Variants in VPS13D observed in about 807,000 individuals in gnomAD.
VPS13D encodes the protein vacuolar protein sorting 13 homolog D.
Under a neutral mutation model 461.9 loss-of-function variants are expected in VPS13D, and 187 were observed. The observed-to-expected ratio is 0.40, with a 90% confidence interval of 0.36 to 0.46. The LOEUF is 0.46. Among genes scored for constraint, VPS13D ranks in the 20% least tolerant of loss-of-function variants. VPS13D has a pLI of 0.60. For missense variants in VPS13D, 4,711 were observed against 5,364.9 expected (o/e 0.88, Z 3.81); for synonymous variants, 1,951 against 1,986.3 (o/e 0.98, Z 0.47).
At position 12,234,502 on chromosome 1, in the gene VPS13D, C is replaced by T. The variant is rs1166267248; in HGVS notation, c.97+139C>T. 9 of 552,416 alleles carry T rather than the reference C, an allele frequency of 1.6e-5. 1 individual carries two copies. Among genetic ancestry groups the T allele is most frequent in the Non-Finnish European group, 2.8e-5 (9 of 319,166 alleles). The allele number at this position is 552,416 out of a possible 1,614,324, so 34.2% of individuals were successfully genotyped here. On this transcript the variant is annotated intron_variant, in intron 2 of 69. Coordinates refer to ENST00000620676, the MANE Select transcript of VPS13D (RefSeq NM_015378.4). Reference sequence around the variant, plus strand: ...GTATGTAAAAAGGTCCCATATCATCCTGATGATTTTTCCAGAGTAACTTAA... The same window carrying T: ...GTATGTAAAAAGGTCCCATATCATCTTGATGATTTTTCCAGAGTAACTTAA...
chr1:12,462,901 C>T (rs1251246692), intron 67 of VPS13D, among the ~76,000 whole-genome samples: 1 of 152,182 alleles, frequency 6.6e-6, no homozygotes, highest in East Asian at 1.9e-4. Context: ...TCACAGTCAG[C>T]ACTGGCCACT....
chr1:12,345,516 G>A lies in VPS13D; in HGVS notation c.9021+7G>A, dbSNP rs1239617231. The A allele has an allele frequency of 2.5e-6, 4 of 1,604,464 alleles. No homozygotes were observed. Among genetic ancestry groups the A allele is most frequent in the Non-Finnish European group, 3.4e-6 (4 of 1,171,960 alleles). ...AAATTCATCTTCCTCTACGGTGTGT[G>A]ACATTCAGGAAGTCAGATGGTTAAG... On this transcript the variant is annotated splice_region_variant and intron_variant, in intron 43 of 69. Coordinates refer to ENST00000620676, the MANE Select transcript of VPS13D (RefSeq NM_015378.4).
intron 66 of VPS13D, among the ~76,000 whole-genome samples, chr1:12,458,881 A>T (rs1645366110): frequency 6.6e-6 from 1 of 152,180 alleles, no homozygotes; most frequent in Admixed American, 6.5e-5. Flanking sequence ...CATTGCTGTC[A>T]ACTTGCAAAA....
intron 52 of VPS13D, among the ~76,000 whole-genome samples, chr1:12,364,107 T>C (rs1466685768): frequency 6.6e-6 from 1 of 152,198 alleles, no homozygotes; most frequent in East Asian, 1.9e-4. Context: ...TTAACCATTT[T>C]TAAGTATACA....
intron 17 of VPS13D, among the ~76,000 whole-genome samples, chr1:12,271,678 GA>G (rs914658964): frequency 1.4e-3 from 198 of 145,656 alleles, no homozygotes; most frequent in African/African-American, 4.2e-3. Context: ...AAAAGAAGAA[GA>G]AAAAAAAAAG....
At chr1:12,360,002 C>T (rs926766714) in intron 50 of VPS13D, among the ~76,000 whole-genome samples, 2 of 152,304 alleles carry the variant, frequency 1.3e-5, no homozygotes, top group African/African-American at 4.8e-5. Context: ...ATGGGAGGAG[C>T]TTGTTCCTTT....
chr1:12,265,958 C>T lies in VPS13D; in HGVS notation c.1595-923C>T, dbSNP rs143142307. ...AGGATCATTTCAGGCCAGGAGTTCA[C>T]AACCAGCCTGGGCAACATAGCAAGA... is the stretch of plus-strand genomic sequence containing the variant. On this transcript the variant is annotated intron_variant, in intron 13 of 69. Transcript: ENST00000620676. 5.6e-3 allele frequency among the ~76,000 whole-genome samples: 857 copies of T among 152,096 alleles called. 10 individuals carry two copies. Among genetic ancestry groups the T allele is most frequent in the South Asian group, 0.021 (100 of 4,818 alleles).
At chr1:12,341,575 G>C (rs921368410) in intron 40 of VPS13D, among the ~76,000 whole-genome samples, 1 of 152,168 alleles carries the variant, frequency 6.6e-6, no homozygotes, top group African/African-American at 2.4e-5. Context: ...AGAATTGGGG[G>C]CTGGGAATAG....
intron 63 of VPS13D, among the ~76,000 whole-genome samples, chr1:12,413,644 A>T (rs1250385320): frequency 6.6e-6 from 1 of 152,048 alleles, no homozygotes; most frequent in Non-Finnish European, 1.5e-5. Context: ...GTTAATTTTT[A>T]AACTTTTTGT....
chr1:12,504,538 A>G (rs1333176885), intron 68 of VPS13D, among the ~76,000 whole-genome samples: 1 of 152,160 alleles, frequency 6.6e-6, no homozygotes, highest in Admixed American at 6.5e-5. Context: ...CTCCGTGCTC[A>G]CTTTGTGAAG....
rs150154094 is a variant in VPS13D, at chr1:12,333,272, A to G, written c.8334A>G (p.Gln2778=). Residue 2778 remains glutamine (Q), a synonymous_variant, in exon 38 of 70, where the codon CAA becomes CAG. Coordinates refer to ENST00000620676, the MANE Select transcript of VPS13D (RefSeq NM_015378.4). ...IEPWPCSVSW[Q]QQAASRLHPP... is the part of the protein sequence containing the mutation. The stretch of plus-strand genomic sequence containing the variant: ...CTTGGCCATGCTCTGTATCCTGGCA[A>G]CAGCAGGCAGCTAGTCGTCTCCATC... The G allele has an allele frequency of 5.6e-4, 899 of 1,614,144 alleles. 1 individual carries two copies. Among genetic ancestry groups the G allele is most frequent in the Non-Finnish European group, 7.2e-4 (848 of 1,179,980 alleles).
intron 67 of VPS13D, among the ~76,000 whole-genome samples, chr1:12,474,625 A>G (rs1329850610): frequency 6.6e-6 from 1 of 152,256 alleles, no homozygotes; most frequent in East Asian, 1.9e-4. Context: ...CATAATGAAA[A>G]TACAAGATCG....
Position 12,484,010 on chromosome 1 carries a change from T to A in VPS13D, c.12663-13490T>A, listed in dbSNP as rs1027757930. ...GGACTCCCTCTCAAAAAAAAAAAAA[T>A]AAAAATAAGAATGAGGCTTCAGCCA... On this transcript the variant is annotated intron_variant, in intron 67 of 69. Transcript: ENST00000620676. Among the ~76,000 whole-genome samples the A allele has an allele frequency of 8.9e-4, 135 of 151,518 alleles. 1 individual carries two copies. The highest frequency in any genetic ancestry group is 3.1e-3 in the African/African-American group (130 of 41,274).
intron 46 of VPS13D, among the ~76,000 whole-genome samples, chr1:12,350,633 A>G (rs535581858): frequency 2.6e-5 from 4 of 152,312 alleles, no homozygotes; most frequent in Admixed American, 1.3e-4. Context: ...TGAAGAATAT[A>G]TAAAATTGCT....
intron 65 of VPS13D, among the ~76,000 whole-genome samples, chr1:12,435,321 C>T (rs1477926007): frequency 2.0e-5 from 3 of 151,404 alleles, no homozygotes; most frequent in East Asian, 3.9e-4. Flanking sequence ...ATTAGCTGGG[C>T]GTGGTGGCAC....
chr1:12,242,107 T>A (rs901873304), intron 2 of VPS13D, among the ~76,000 whole-genome samples: 8 of 152,300 alleles, frequency 5.3e-5, no homozygotes, highest in African/African-American at 1.9e-4. Flanking sequence ...AGACATCATA[T>A]AAATCCTAAA....
chr1:12,462,544 C>T (rs1645425929), intron 67 of VPS13D, among the ~76,000 whole-genome samples: 1 of 152,208 alleles, frequency 6.6e-6, no homozygotes, highest in African/African-American at 2.4e-5. Context: ...TTGTCCACAG[C>T]CACACAGCTG....
intron 67 of VPS13D, among the ~76,000 whole-genome samples, chr1:12,471,501 A>G (rs1429207007): frequency 6.6e-6 from 1 of 152,202 alleles, no homozygotes; most frequent in Non-Finnish European, 1.5e-5. Context: ...CCTCAGAGGC[A>G]ATCACTTTCA....
intron 2 of VPS13D, among the ~76,000 whole-genome samples, chr1:12,241,501 TTC>T (rs1286637326): frequency 6.6e-6 from 1 of 152,206 alleles, no homozygotes; most frequent in Non-Finnish European, 1.5e-5. Context: ...GGACTCTGCC[TTC>T]TCTTTTTACA....
Sources: gnomAD v4.1 joint callset for allele counts (sites outside exome capture counted in the v4.1 genomes callset) on GRCh38, gnomAD v4.1.1 for gene constraint, MANE v1.5 for transcripts, NCBI Gene and HGNC (gene_info 2026-07-23, HGNC 2026-07-21) for gene names.